The following PRKCB variants were observed in gnomAD, a reference collection of about 807,000 sequenced individuals.
PRKCB encodes the protein protein kinase C beta, also known as protein kinase C beta type.
PRKCB carries 13 observed loss-of-function variants against 81.5 expected under a neutral mutation model. That is an observed-to-expected ratio of 0.16 (90% CI 0.10 to 0.25). The LOEUF (loss-of-function observed/expected upper bound fraction) is 0.25, where lower values mean the gene tolerates loss of function less well. Ranked by LOEUF, PRKCB falls within the 10% of genes least tolerant of loss-of-function variation. The probability of loss-of-function intolerance (pLI) is 1.00; values close to 1 mark genes in which losing one functional copy is unlikely to be tolerated. For synonymous variants in PRKCB, 335 were observed against 321.4 expected, an observed-to-expected ratio of 1.04 and a Z score of -0.45; for missense variants, 509 against 875.7, an observed-to-expected ratio of 0.58 and a Z score of 5.29.
intron 5 of PRKCB, among the ~76,000 whole-genome samples, chr16:24,072,396 T>A (rs887952619): frequency 5.9e-5 from 9 of 152,008 alleles, no homozygotes; most frequent in Non-Finnish European, 1.0e-4. Context: ...GCCTCCTAAG[T>A]AGCTGGGACT....
At chr16:24,078,950 A>G (rs1966215051) in intron 5 of PRKCB, among the ~76,000 whole-genome samples, 1 of 152,124 alleles carries the variant, frequency 6.6e-6, no homozygotes, top group Non-Finnish European at 1.5e-5. Flanking sequence ...CTGAGCACAA[A>G]AGTTGCATGG....
intron 2 of PRKCB, among the ~76,000 whole-genome samples, chr16:23,859,885 A>AAGGGAGAGAG (rs59279623): frequency 6.8e-6 from 1 of 146,170 alleles, no homozygotes; most frequent in Non-Finnish European, 1.5e-5. Flanking sequence ...GAGAGAGAGA[A>AAGGGAGAGAG]AGAGAGAGAG....
chr16:24,199,696 A>G (rs940256438), intron 16 of PRKCB, among the ~76,000 whole-genome samples: 6 of 152,208 alleles, frequency 3.9e-5, no homozygotes, highest in African/African-American at 1.4e-4. Context: ...CACTGTTTTA[A>G]CTGCCTTCCA....
intron 10 of PRKCB, among the ~76,000 whole-genome samples, chr16:24,158,179 T>A (rs898768139): frequency 1.3e-4 from 20 of 152,184 alleles, no homozygotes; most frequent in African/African-American, 4.8e-4. Context: ...GAAGAGCAGA[T>A]CCCCTTCCAT....
At chr16:23,863,307 C>A (rs531151233) in intron 2 of PRKCB, among the ~76,000 whole-genome samples, 4 of 149,732 alleles carry the variant, frequency 2.7e-5, no homozygotes, top group African/African-American at 7.4e-5. Flanking sequence ...CTAGGGTGGA[C>A]GTGCTCCTTC....
intron 16 of PRKCB, among the ~76,000 whole-genome samples, chr16:24,199,756 A>G (rs1481531307): frequency 1.3e-5 from 2 of 152,198 alleles, no homozygotes; most frequent in Non-Finnish European, 2.9e-5. Flanking sequence ...GGTTATCACC[A>G]CAGTATAGAT....
intron 9 of PRKCB, among the ~76,000 whole-genome samples, chr16:24,129,192 T>TA (rs1156623095): frequency 6.6e-6 from 1 of 152,140 alleles, no homozygotes; most frequent in Non-Finnish European, 1.5e-5. Context: ...TCCACGTCTT[T>TA]AAAAAATAGT....
At chr16:23,942,633 A>T (rs1964153399) in intron 2 of PRKCB, among the ~76,000 whole-genome samples, 1 of 152,256 alleles carries the variant, frequency 6.6e-6, no homozygotes, top group African/African-American at 2.4e-5. Context: ...CATACTGAGG[A>T]TAATTAAACC....
chr16:23,948,093 G>A (rs1964228318), intron 2 of PRKCB, among the ~76,000 whole-genome samples: 1 of 152,070 alleles, frequency 6.6e-6, no homozygotes, highest in African/African-American at 2.4e-5. Context: ...CTGTTCTGGA[G>A]GGGGAGGTGT....
chr16:24,002,968 A>T (rs1965059151), intron 3 of PRKCB, among the ~76,000 whole-genome samples: 1 of 151,996 alleles, frequency 6.6e-6, no homozygotes, highest in Non-Finnish European at 1.5e-5. Flanking sequence ...AGACTTGGGG[A>T]GGGGAGAGTG....
At chr16:24,155,891 G>A (rs767757433) in intron 10 of PRKCB, among the ~76,000 whole-genome samples, 38 of 152,016 alleles carry the variant, frequency 2.5e-4, no homozygotes, top group Non-Finnish European at 4.9e-4. Flanking sequence ...TCTGTATTTC[G>A]TGCAATTGGC....
At chr16:24,001,456 T>G (rs185232929) in intron 3 of PRKCB, among the ~76,000 whole-genome samples, 2 of 152,186 alleles carry the variant, frequency 1.3e-5, no homozygotes, top group African/African-American at 4.8e-5. Flanking sequence ...CTTGTTAAAC[T>G]TGTTAAATGT....
chr16:23,989,881 T>A (rs966371759), intron 3 of PRKCB, among the ~76,000 whole-genome samples: 1 of 152,296 alleles, frequency 6.6e-6, no homozygotes, highest in South Asian at 2.1e-4. Context: ...GACCCAATCC[T>A]GCTAATGGGA....
intron 3 of PRKCB, among the ~76,000 whole-genome samples, chr16:23,999,297 G>A (rs572067706): frequency 3.0e-4 from 45 of 152,338 alleles, no homozygotes; most frequent in African/African-American, 9.4e-4. Flanking sequence ...CTCCATCCAC[G>A]ATAAAGGATG....
At chr16:23,920,962 G>A (rs1963815997) in intron 2 of PRKCB, among the ~76,000 whole-genome samples, 1 of 152,170 alleles carries the variant, frequency 6.6e-6, no homozygotes, top group Non-Finnish European at 1.5e-5. Flanking sequence ...ATGGCAGAAG[G>A]CAAATGAGGG....
At chr16:24,144,627 T>C (rs1966961466) in intron 9 of PRKCB, among the ~76,000 whole-genome samples, 1 of 152,230 alleles carries the variant, frequency 6.6e-6, no homozygotes, top group African/African-American at 2.4e-5. Flanking sequence ...ACCACCTGTG[T>C]TGAGGTATAA....
At chr16:24,203,430 A>G (rs1417872694) in intron 16 of PRKCB, among the ~76,000 whole-genome samples, 2 of 152,116 alleles carry the variant, frequency 1.3e-5, no homozygotes, top group Admixed American at 1.3e-4. Context: ...TACTTTTTAA[A>G]TAAATTCACT....
chr16:23,853,486 G>A (rs541667959), intron 2 of PRKCB, among the ~76,000 whole-genome samples: 1 of 152,310 alleles, frequency 6.6e-6, no homozygotes, highest in East Asian at 1.9e-4. Flanking sequence ...CCAACGGAAG[G>A]GGGTCCTGGG....
At chr16:23,856,831 AAT>A (rs1415545460) in intron 2 of PRKCB, among the ~76,000 whole-genome samples, 4 of 152,180 alleles carry the variant, frequency 2.6e-5, no homozygotes, top group African/African-American at 4.8e-5. Flanking sequence ...GGCCTCATAC[AAT>A]TTTTATTTGA....
Sources: gnomAD v4.1 joint callset for allele counts (sites outside exome capture counted in the v4.1 genomes callset) on GRCh38, gnomAD v4.1.1 for gene constraint, MANE v1.5 for transcripts, NCBI Gene and HGNC (gene_info 2026-07-23, HGNC 2026-07-21) for gene names.